Variants in LARP4B observed in about 807,000 individuals in gnomAD.
The protein encoded by LARP4B is La ribonucleoprotein 4B, also known as la-related protein 4B.
A neutral mutation model predicts 89.8 loss-of-function variants in LARP4B; 12 were observed. The observed-to-expected ratio is 0.13, with a 90% CI of 0.09 to 0.22. The LOEUF is 0.22. Among genes scored for constraint, LARP4B ranks in the 10% least tolerant of loss-of-function variants. The pLI is 1.00. For missense variants in LARP4B, 757 were observed against 947.7 expected, an observed-to-expected ratio of 0.80 and a Z score of 2.64; for synonymous variants, 367 against 363.3, an observed-to-expected ratio of 1.01 and a Z score of -0.12.
Position 858,210 on chromosome 10 carries a change from A to G in LARP4B, c.430+5533T>C, listed in dbSNP as rs545418686. ...GGTGGCCTATTAGACACACAGCCCAATGCAACAGAAGAGAGGGCCGAGAAA... is the reference window on the plus strand; with the variant it reads ...GGTGGCCTATTAGACACACAGCCCAGTGCAACAGAAGAGAGGGCCGAGAAA... On this transcript the variant is annotated intron_variant, in intron 5 of 17. Transcript: ENST00000316157. Among the ~76,000 whole-genome samples the G allele has an allele frequency of 2.6e-5, 4 of 152,324 alleles. No homozygotes were observed. The South Asian group carries it at 8.3e-4, about 32-fold the overall frequency.
intron 1 of LARP4B, among the ~76,000 whole-genome samples, chr10:908,336 C>T (rs4881540): frequency 0.84 from 127,714 of 152,186 alleles, 54,162 homozygotes; most frequent in East Asian, 0.99. Flanking sequence ...CACCTTGCCC[C>T]ACACATCTCG....
At chr10:961,014 G>C in the LARP4B span, among the ~76,000 whole-genome samples, 1 of 152,204 alleles carries the variant, frequency 6.6e-6, no homozygotes, top group Non-Finnish European at 1.5e-5. Context: ...CGGAAGCCCC[G>C]TGTGGATCCA....
chr10:952,291 G>C, the LARP4B span, among the ~76,000 whole-genome samples: 45 of 123,378 alleles, frequency 3.6e-4, no homozygotes, highest in Non-Finnish European at 1.1e-4. Flanking sequence ...AGTGAGCTGA[G>C]ATCAAGATGC....
At chr10:973,016 A>T in the LARP4B span, 1 of 388,024 alleles carries the variant, frequency 2.6e-6, no homozygotes, top group Non-Finnish European at 5.1e-6. Context: ...CAAAGAGGCA[A>T]GGAGGCTAAT....
rs75279572 is a variant in LARP4B at position 909,689 on chromosome 10, G to A, written c.-40+21739C>T. Reference sequence around the variant, plus strand: ...AATCCCAGCTACTCGGGAGGCTGAGGCTGGAAAATCACTTCAACCTGGGAA... The same window carrying A: ...AATCCCAGCTACTCGGGAGGCTGAGACTGGAAAATCACTTCAACCTGGGAA... On this transcript the variant is annotated intron_variant, in intron 1 of 17. Coordinates refer to ENST00000316157, the MANE Select transcript of LARP4B (RefSeq NM_015155.3). Among the ~76,000 whole-genome samples the A allele has an allele frequency of 2.8e-3, 429 of 152,038 alleles. 6 individuals are homozygous for A. The highest frequency in any genetic ancestry group is 0.01 in the African/African-American group (416 of 41,462).
chr10:925,243 A>G (rs1452302778), intron 1 of LARP4B, among the ~76,000 whole-genome samples: 1 of 152,152 alleles, frequency 6.6e-6, no homozygotes, highest in Non-Finnish European at 1.5e-5. Context: ...GGCCTTACAG[A>G]AAAATCCTGT....
At chr10:832,261 T>C (rs999254639) in intron 8 of LARP4B, among the ~76,000 whole-genome samples, 2 of 152,176 alleles carry the variant, frequency 1.3e-5, no homozygotes. Flanking sequence ...GCCAGGATGG[T>C]CTCGATCTCC....
chr10:951,012 T>TTC, the LARP4B span, among the ~76,000 whole-genome samples: 3 of 150,792 alleles, frequency 2.0e-5, no homozygotes, highest in South Asian at 4.2e-4. Context: ...TCTCCCTTCC[T>TTC]TCTCTCTCTC....
intron 1 of LARP4B, among the ~76,000 whole-genome samples, chr10:887,010 C>T (rs1835876141): frequency 6.6e-6 from 1 of 152,070 alleles, no homozygotes; most frequent in East Asian, 1.9e-4. Flanking sequence ...TCGCTTGAAC[C>T]CGGGAAGCAG....
chr10:855,853 C>T (rs1476515983), intron 5 of LARP4B, among the ~76,000 whole-genome samples: 2 of 152,238 alleles, frequency 1.3e-5, no homozygotes, highest in Non-Finnish European at 1.5e-5. Flanking sequence ...AAGCAGTGCA[C>T]TACTGGAGTC....
the LARP4B span, among the ~76,000 whole-genome samples, chr10:973,309 A>T: frequency 6.6e-6 from 1 of 151,620 alleles, no homozygotes. Context: ...TAAAACAACA[A>T]CCATTCAGTT....
intron 1 of LARP4B, among the ~76,000 whole-genome samples, chr10:906,876 T>C (rs1013504): frequency 0.095 from 14,467 of 152,276 alleles, 898 homozygotes; most frequent in Non-Finnish European, 0.14. Flanking sequence ...AACCACCAAC[T>C]GAACTGAATT....
chr10:948,445 T>A, the LARP4B span, among the ~76,000 whole-genome samples: 34,327 of 152,078 alleles, frequency 0.23, 4,484 homozygotes, highest in African/African-American at 0.36. Context: ...ACAGGGTTTC[T>A]CCATGTTGGT....
intron 1 of LARP4B, among the ~76,000 whole-genome samples, chr10:907,274 G>A (rs1293971808): frequency 1.3e-5 from 2 of 152,130 alleles, no homozygotes; most frequent in African/African-American, 4.8e-5. Flanking sequence ...CAACAAATGT[G>A]GGAAAAATTA....
chr10:898,102 T>G (rs755840122), intron 1 of LARP4B, among the ~76,000 whole-genome samples: 7 of 150,618 alleles, frequency 4.6e-5, no homozygotes, highest in Non-Finnish European at 1.5e-5. Flanking sequence ...TCATTCGTCA[T>G]GAGGGAAATA....
At chr10:967,567 A>G in the LARP4B span, among the ~76,000 whole-genome samples, 2 of 152,210 alleles carry the variant, frequency 1.3e-5, no homozygotes, top group Non-Finnish European at 2.9e-5. Context: ...CAAAGAATGG[A>G]CAAGACCCAC....
At chr10:919,405 T>G (rs975950633) in intron 1 of LARP4B, among the ~76,000 whole-genome samples, 3 of 152,204 alleles carry the variant, frequency 2.0e-5, no homozygotes, top group African/African-American at 7.2e-5. Context: ...GTTCCCATTT[T>G]CTGTTCTTCC....
At chr10:872,251 G>T (rs1049934587) in intron 3 of LARP4B, among the ~76,000 whole-genome samples, 1 of 152,214 alleles carries the variant, frequency 6.6e-6, no homozygotes, top group African/African-American at 2.4e-5. Flanking sequence ...CAGGCTCAGG[G>T]CAAGGCTTGG....
At chr10:957,635 T>C in the LARP4B span, among the ~76,000 whole-genome samples, 4 of 152,080 alleles carry the variant, frequency 2.6e-5, no homozygotes, top group Non-Finnish European at 4.4e-5. Context: ...ATTTTTTGGG[T>C]TATATGTATC....
Sources: allele counts gnomAD v4.1 joint callset (sites outside exome capture counted in the v4.1 genomes callset), GRCh38; gene constraint gnomAD v4.1.1; transcripts MANE v1.5; gene names NCBI Gene and HGNC (gene_info 2026-07-23, HGNC 2026-07-21).